Variants in KCNQ1 observed in about 807,000 individuals in gnomAD.
The protein encoded by KCNQ1 is potassium voltage-gated channel subfamily Q member 1, also known as potassium voltage-gated channel subfamily KQT member 1.
Under a neutral mutation model 72.4 loss-of-function variants are expected in KCNQ1, and 49 were observed. The observed-to-expected ratio is 0.68, with a 90% CI of 0.54 to 0.86. KCNQ1 has a LOEUF of 0.86. Ranked by LOEUF, KCNQ1 falls within the 40% of genes least tolerant of loss-of-function variation. The probability of loss-of-function intolerance (pLI) is 0.00; values close to 1 mark genes in which losing one functional copy is unlikely to be tolerated. For synonymous variants in KCNQ1, 450 were observed against 412.6 expected, an observed-to-expected ratio of 1.09 and a Z score of -1.10; for missense variants, 790 against 945.1, an observed-to-expected ratio of 0.84 and a Z score of 2.15.
In KCNQ1 at chr11:2,495,609, A is replaced by C. The variant is rs1415592809; in HGVS notation, c.387-32319A>C. On this transcript the variant is annotated intron_variant, in intron 1 of 15. Coordinates refer to ENST00000155840, the MANE Select transcript of KCNQ1 (RefSeq NM_000218.3). This position sits in a 1 kb window ranked among gnomAD's most constrained non-coding sequence, Gnocchi z 4.6. ...TTTGTTATTTACTCAGTAGTCATTC[A>C]GTAGCAGGTTGTTCAATTTCCATGT... Among the ~76,000 whole-genome samples, 1 of 152,202 alleles carries C rather than the reference A, an allele frequency of 6.6e-6. No individual in the cohort carries two copies. Among genetic ancestry groups the C allele is most frequent in the Admixed American group, 6.5e-5 (1 of 15,288 alleles).
chr11:2,446,005 G>GCCACGGGCCGTCC lies in KCNQ1; in HGVS notation c.386+531_386+543dup, dbSNP rs1020958213. ...GCGGTGCTCCCTGAGGGCTCAGCATGCCACGGGCCGTCCCCACGGGCCCCA... is the reference window on the plus strand; with the variant it reads ...GCGGTGCTCCCTGAGGGCTCAGCATGCCACGGGCCGTCCCCACGGGCCGTCCCCACGGGCCCCA... On this transcript the variant is annotated intron_variant, in intron 1 of 15. Transcript: ENST00000155840. This position sits in a 1 kb window ranked among gnomAD's most constrained non-coding sequence, Gnocchi z 8.8. Among the ~76,000 whole-genome samples the GCCACGGGCCGTCC allele has an allele frequency of 6.6e-6, 1 of 152,130 alleles. No individual in the cohort carries two copies. The highest frequency in any genetic ancestry group is 1.5e-5 in the Non-Finnish European group (1 of 68,014).
At chr11:2,696,077 G>C in intron 11 of KCNQ1, 1 of 398,610 alleles carries the variant, frequency 2.5e-6, no homozygotes, top group South Asian at 1.3e-4. Context: ...CCCTTGCCAT[G>C]ATGGATTTAT....
intron 10 of KCNQ1, chr11:2,634,224 G>T: frequency 5.1e-6 from 2 of 392,118 alleles, no homozygotes; most frequent in African/African-American, 2.1e-5. Flanking sequence ...CAACGTGCAG[G>T]TTTGTTACAT....
intron 15 of KCNQ1, among the ~76,000 whole-genome samples, chr11:2,838,706 C>A (rs914404598): frequency 6.6e-6 from 1 of 152,130 alleles, no homozygotes; most frequent in Non-Finnish European, 1.5e-5. Context: ...ACGAGAACGG[C>A]CAGGCAGCCC....
intron 2 of KCNQ1, among the ~76,000 whole-genome samples, chr11:2,546,699 C>T (rs992784098): frequency 6.6e-6 from 1 of 151,976 alleles, no homozygotes; most frequent in Non-Finnish European, 1.5e-5. Flanking sequence ...TGTGGATACA[C>T]AATAGTTGTA....
chr11:2,512,407 C>A (rs990769221), intron 1 of KCNQ1, among the ~76,000 whole-genome samples: 4 of 152,172 alleles, frequency 2.6e-5, no homozygotes, highest in African/African-American at 9.7e-5. Context: ...ATATGCCTAC[C>A]TCCCTCTCTG....
At chr11:2,512,692 G>A (rs1022386670) in intron 1 of KCNQ1, among the ~76,000 whole-genome samples, 1 of 152,198 alleles carries the variant, frequency 6.6e-6, no homozygotes, top group African/African-American at 2.4e-5. Flanking sequence ...GGTGTCTGGG[G>A]CCACACTCTC....
At position 2,493,429 on chromosome 11, in the gene KCNQ1, C is replaced by A. The variant is rs575559022; in HGVS notation, c.387-34499C>A. On this transcript the variant is annotated intron_variant, in intron 1 of 15. Coordinates refer to ENST00000155840, the MANE Select transcript of KCNQ1 (RefSeq NM_000218.3). The surrounding 1 kb of genome is among the most constrained non-coding windows in gnomAD (Gnocchi z 5.3). ...TTTAGTCATGAAGTCCTTGCCCATG[C>A]CTATGTCCTGAATGGTATTGCCTGG... Among the ~76,000 whole-genome samples the A allele has an allele frequency of 6.6e-6, 1 of 152,270 alleles. No homozygotes were observed. The highest frequency in any genetic ancestry group is 2.4e-5 in the African/African-American group (1 of 41,562).
rs1298637566 is a variant in KCNQ1 at position 2,658,173 on chromosome 11, CTG to C, written c.1394-3785_1394-3784del. The C allele has an allele frequency of 1.3e-5, 5 of 398,464 alleles. No homozygotes were observed. The highest frequency in any genetic ancestry group is 1.8e-5 in the Non-Finnish European group (4 of 226,042). 24.7% of individuals were successfully genotyped at this position (398,464 alleles called of 1,614,324 possible). On this transcript the variant is annotated intron_variant, in intron 10 of 15. Transcript: ENST00000155840. This position sits in a 1 kb window ranked among gnomAD's most constrained non-coding sequence, Gnocchi z 4.9. The stretch of plus-strand genomic sequence containing the variant: ...ATTAAAATACATTTCAAGGAAGAAA[CTG>C]TGAAGTTTCTGAGTTTCACTAACTA...
At chr11:2,731,671 G>A (rs528740903) in intron 11 of KCNQ1, among the ~76,000 whole-genome samples, 1 of 152,224 alleles carries the variant, frequency 6.6e-6, no homozygotes, top group Non-Finnish European at 1.5e-5. Context: ...CCCCAGCAGC[G>A]CACACAGGAG....
rs1850006516 is a variant in KCNQ1 at position 2,663,480 on chromosome 11, T to G, written c.1514+1399T>G. On this transcript the variant is annotated intron_variant, in intron 11 of 15. Transcript: ENST00000155840. The surrounding 1 kb of genome is among the most constrained non-coding windows in gnomAD (Gnocchi z 5.2). ...TCAGTGTTAGTTTAGTGGCTCATGT[T>G]GTGTGCAATACAGGTGGCAGTGCCT... 2.5e-6 allele frequency: 1 copy of G among 398,566 alleles called. No homozygotes were observed. Among genetic ancestry groups the G allele is most frequent in the South Asian group, 1.3e-4 (1 of 7,856 alleles). 24.7% of individuals were successfully genotyped at this position (398,566 alleles called of 1,614,324 possible).
In KCNQ1 at chr11:2,711,198, C is replaced by A. The variant is rs1850997717; in HGVS notation, c.1514+49117C>A. 6.6e-6 allele frequency among the ~76,000 whole-genome samples: 1 copy of A among 152,166 alleles called. No homozygotes were observed. The highest frequency in any genetic ancestry group is 2.4e-5 in the African/African-American group (1 of 41,430). On this transcript the variant is annotated intron_variant, in intron 11 of 15. Transcript: ENST00000155840. This position sits in a 1 kb window ranked among gnomAD's most constrained non-coding sequence, Gnocchi z 5.4. The stretch of plus-strand genomic sequence containing the variant: ...ATAGTTTTTGCACTACTTTGTAAAT[C>A]CTACAGGGTTTTGTGTGACAGTGAC...
chr11:2,568,945 T>C (rs1277593459), intron 2 of KCNQ1, among the ~76,000 whole-genome samples: 2 of 152,198 alleles, frequency 1.3e-5, no homozygotes, highest in Non-Finnish European at 1.5e-5. Flanking sequence ...AGTACAATGG[T>C]GTGATCTCGG....
Position 2,707,193 on chromosome 11 carries a change from G to C in KCNQ1, c.1514+45112G>C, listed in dbSNP as rs939366761. 2.6e-5 allele frequency among the ~76,000 whole-genome samples: 4 copies of C among 152,184 alleles called. No individual in the cohort carries two copies. In the South Asian group the frequency reaches 8.3e-4, roughly 32 times the overall value. On this transcript the variant is annotated intron_variant, in intron 11 of 15. Transcript: ENST00000155840. The stretch of plus-strand genomic sequence containing the variant: ...TGTGATGGGGTGGTGATGGGATGCT[G>C]TAGGTGGATGAGAAGTAGCACCAAA...
intron 10 of KCNQ1, chr11:2,660,937 A>G (rs888317088): frequency 1.0e-5 from 4 of 398,556 alleles, no homozygotes; most frequent in Non-Finnish European, 1.8e-5. Flanking sequence ...TGTCCATGAT[A>G]TACAGAATGG....
At chr11:2,731,562 C>G (rs1342784917) in intron 11 of KCNQ1, among the ~76,000 whole-genome samples, 3 of 152,244 alleles carry the variant, frequency 2.0e-5, no homozygotes, top group Admixed American at 2.0e-4. Context: ...GGCTTTCCTC[C>G]CATGTCAGAG....
At position 2,720,393 on chromosome 11, in the gene KCNQ1, A is replaced by G. The variant is rs1445897303; in HGVS notation, c.1515-48451A>G. On this transcript the variant is annotated intron_variant, in intron 11 of 15. Transcript: ENST00000155840. The surrounding 1 kb of genome is among the most constrained non-coding windows in gnomAD (Gnocchi z 5.1). ...CAGTCAGGCCTCCTTCGTGCTGAGC[A>G]TGTGCTGGCCCTGCCTGGGGACAGC... Among the ~76,000 whole-genome samples the G allele has an allele frequency of 6.6e-6, 1 of 152,120 alleles. No individual in the cohort carries two copies. Among genetic ancestry groups the G allele is most frequent in the Non-Finnish European group, 1.5e-5 (1 of 68,010 alleles).
intron 15 of KCNQ1, among the ~76,000 whole-genome samples, chr11:2,825,844 A>C (rs887591805): frequency 6.6e-6 from 1 of 152,202 alleles, no homozygotes; most frequent in East Asian, 1.9e-4. Context: ...TGGAGTTTGG[A>C]GTAAAGAGAG....
In KCNQ1 at chr11:2,585,288, C is replaced by T. The variant is rs775362401; in HGVS notation, c.1109C>T (p.Ala370Val). 7.7e-5 allele frequency: 125 copies of T among 1,613,812 alleles called. 1 individual carries two copies. The South Asian group carries it at 1.1e-3, about 14-fold the overall frequency. Reference protein sequence around the residue: ...RQKHFNRQIPAAASLIQTAWR... With the variant: ...RQKHFNRQIPVAASLIQTAWR... ...AAGCACTTCAACCGGCAGATCCCGGCGGCAGCCTCACTCATTCAGGTGCGG... is the reference window on the plus strand; with the variant it reads ...AAGCACTTCAACCGGCAGATCCCGGTGGCAGCCTCACTCATTCAGGTGCGG... The change falls in exon 8 of 16, where the codon GCG becomes GTG. Residue 370 changes from alanine to valine, a missense_variant. Around this residue, in one of 5 missense-constraint regions of KCNQ1, gnomAD observed 133 missense variants for 219.5 expected, o/e 0.61. Coordinates refer to ENST00000155840, the MANE Select transcript of KCNQ1 (RefSeq NM_000218.3).
Sources: gnomAD v4.1 joint callset for allele counts (sites outside exome capture counted in the v4.1 genomes callset) on GRCh38, gnomAD v4.1.1 for gene constraint, gnomAD v4.1.1 regional missense constraint, Gnocchi (gnomAD v3.1) non-coding constraint, MANE v1.5 for transcripts, NCBI Gene and HGNC (gene_info 2026-07-23, HGNC 2026-07-21) for gene names.